Variants in SPATA6 observed in about 807,000 individuals in gnomAD.
SPATA6 encodes the protein spermatogenesis associated 6, also known as spermatogenesis-associated protein 6.
SPATA6 carries 56 observed loss-of-function variants against 65.3 expected under a neutral mutation model. That is an observed-to-expected ratio of 0.86 (90% CI 0.69 to 1.07). The LOEUF (loss-of-function observed/expected upper bound fraction) is 1.07. Ranked by LOEUF, SPATA6 falls within the 50% of genes least tolerant of loss-of-function variation. The pLI is 0.00. For missense variants in SPATA6, 590 were observed against 594.8 expected (o/e 0.99, Z 0.08); for synonymous variants, 199 against 213.2 (o/e 0.93, Z 0.58).
At chr1:48,434,872 C>T (rs952034190) in intron 3 of SPATA6, among the ~76,000 whole-genome samples, 1 of 151,970 alleles carries the variant, frequency 6.6e-6, no homozygotes, top group Non-Finnish European at 1.5e-5. Context: ...TGGTAGATTC[C>T]AGAATTAAAA....
At chr1:48,370,337 G>C (rs1384420919) in intron 9 of SPATA6, among the ~76,000 whole-genome samples, 1 of 152,184 alleles carries the variant, frequency 6.6e-6, no homozygotes, top group Non-Finnish European at 1.5e-5. Flanking sequence ...CACAGTGCAG[G>C]TACAACTTGC....
chr1:48,328,236 A>T (rs567833975), intron 11 of SPATA6, among the ~76,000 whole-genome samples: 1 of 152,276 alleles, frequency 6.6e-6, no homozygotes, highest in East Asian at 1.9e-4. Flanking sequence ...GCAAAATGGT[A>T]AGCCATTATA....
intron 11 of SPATA6, among the ~76,000 whole-genome samples, chr1:48,342,243 T>A (rs1398904541): frequency 1.3e-5 from 2 of 152,146 alleles, no homozygotes; most frequent in East Asian, 3.8e-4. Context: ...TTTTGTTTTT[T>A]AAAAAATAGC....
intron 7 of SPATA6, among the ~76,000 whole-genome samples, chr1:48,396,408 G>T (rs555398452): frequency 1.3e-5 from 2 of 151,686 alleles, no homozygotes; most frequent in South Asian, 4.2e-4. Flanking sequence ...TGAAAGCAGG[G>T]CCTCAAAAAT....
At chr1:48,435,061 G>A (rs949345533) in intron 3 of SPATA6, among the ~76,000 whole-genome samples, 4 of 151,748 alleles carry the variant, frequency 2.6e-5, no homozygotes, top group Non-Finnish European at 5.9e-5. Context: ...GTGATTCTGG[G>A]TCCCTGGAGA....
At chr1:48,324,118 CTATTAT>C (rs952161427) in intron 11 of SPATA6, among the ~76,000 whole-genome samples, 1 of 151,548 alleles carries the variant, frequency 6.6e-6, no homozygotes, top group African/African-American at 2.4e-5. Flanking sequence ...CCTATCTACT[CTATTAT>C]TATTATTATT....
the SPATA6 span, among the ~76,000 whole-genome samples, chr1:48,267,349 C>T: frequency 6.6e-6 from 1 of 152,186 alleles, no homozygotes; most frequent in Non-Finnish European, 1.5e-5. Flanking sequence ...TTAATCAGCT[C>T]GATTAGACTC....
intron 11 of SPATA6, among the ~76,000 whole-genome samples, chr1:48,347,684 C>A (rs1359136894): frequency 6.6e-6 from 1 of 151,720 alleles, no homozygotes; most frequent in African/African-American, 2.4e-5. Context: ...AGTCATGTAA[C>A]TGGAGGTTTT....
At chr1:48,303,636 A>G (rs893765309) in intron 12 of SPATA6, among the ~76,000 whole-genome samples, 4 of 152,196 alleles carry the variant, frequency 2.6e-5, no homozygotes, top group African/African-American at 9.7e-5. Flanking sequence ...TCCATTGTGT[A>G]TATTTTCCAC....
intron 1 of SPATA6, among the ~76,000 whole-genome samples, chr1:48,462,755 TC>T (rs1657541843): frequency 1.3e-5 from 2 of 152,196 alleles, no homozygotes; most frequent in African/African-American, 4.8e-5. Context: ...GAGACCTTGT[TC>T]ACTAGCTATG....
chr1:48,440,246 C>G (rs1334673120), intron 3 of SPATA6, among the ~76,000 whole-genome samples: 3 of 152,160 alleles, frequency 2.0e-5, no homozygotes, highest in Non-Finnish European at 4.4e-5. Flanking sequence ...CCCCTTCTCC[C>G]TCTGATTTAC....
intron 3 of SPATA6, among the ~76,000 whole-genome samples, chr1:48,437,446 T>C (rs922569436): frequency 1.3e-5 from 2 of 152,240 alleles, no homozygotes; most frequent in South Asian, 2.1e-4. Context: ...CCAATCTAGC[T>C]AGTGTCATTT....
chr1:48,449,683 C>T lies in SPATA6; in HGVS notation c.238+1869G>A, dbSNP rs144090398. ...CACCTTGATTGGATCCTGATTTTAA[C>T]AAATCGATTGCAAAAAGACACTTTG... On this transcript the variant is annotated intron_variant, in intron 3 of 12. Coordinates refer to ENST00000371847, the MANE Select transcript of SPATA6 (RefSeq NM_019073.4). Among the ~76,000 whole-genome samples, 4 of 152,276 alleles carry T rather than the reference C, an allele frequency of 2.6e-5. No individual in the cohort carries two copies. In the East Asian group the frequency reaches 7.7e-4, roughly 29 times the overall value.
chr1:48,423,037 CA>C (rs550131751), intron 3 of SPATA6, among the ~76,000 whole-genome samples: 8 of 152,182 alleles, frequency 5.3e-5, no homozygotes, highest in Non-Finnish European at 8.8e-5. Flanking sequence ...GACATAACAA[CA>C]TAGATAATTC....
At chr1:48,365,528 T>C (rs964493810) in intron 9 of SPATA6, among the ~76,000 whole-genome samples, 1 of 152,202 alleles carries the variant, frequency 6.6e-6, no homozygotes, top group African/African-American at 2.4e-5. Context: ...CCTTGTAAGT[T>C]GGATTCCTAG....
At chr1:48,356,892 A>G (rs9887765) in intron 10 of SPATA6, among the ~76,000 whole-genome samples, 2,252 of 152,316 alleles carry the variant, frequency 0.015, 46 homozygotes, top group African/African-American at 0.05. Flanking sequence ...TGCAATAAGT[A>G]ATGAATAATC....
chr1:48,365,644 T>G (rs1194489984), intron 9 of SPATA6, among the ~76,000 whole-genome samples: 2 of 152,188 alleles, frequency 1.3e-5, no homozygotes, highest in Non-Finnish European at 2.9e-5. Flanking sequence ...TACATTGATT[T>G]TGTATCCTGA....
intron 9 of SPATA6, among the ~76,000 whole-genome samples, chr1:48,364,193 A>G (rs1478121513): frequency 3.3e-5 from 5 of 152,028 alleles, no homozygotes; most frequent in Non-Finnish European, 1.5e-5. Context: ...TCTTAATCCA[A>G]TCTATTGTTG....
chr1:48,390,591 A>C (rs1300235131), intron 8 of SPATA6, among the ~76,000 whole-genome samples: 1 of 152,242 alleles, frequency 6.6e-6, no homozygotes, highest in Non-Finnish European at 1.5e-5. Context: ...AAGAAATGAC[A>C]AATACACAAA....
Sources: allele counts gnomAD v4.1 joint callset (sites outside exome capture counted in the v4.1 genomes callset), GRCh38; gene constraint gnomAD v4.1.1; transcripts MANE v1.5; gene names NCBI Gene and HGNC (gene_info 2026-07-23, HGNC 2026-07-21).